The following ALPK2 variants were observed in gnomAD, a reference collection of about 807,000 sequenced individuals.
ALPK2 encodes alpha-protein kinase 2.
A neutral mutation model predicts 163.1 loss-of-function variants in ALPK2; 127 were observed. That is an observed-to-expected ratio of 0.78 (90% CI 0.67 to 0.90). The LOEUF (loss-of-function observed/expected upper bound fraction) is 0.90. ALPK2 is among the 40% of genes least tolerant of loss of function. The probability of loss-of-function intolerance (pLI) is 0.00; values close to 1 mark genes in which losing one functional copy is unlikely to be tolerated. For missense variants in ALPK2, 2,360 were observed against 2,589.6 expected (o/e 0.91, Z 1.92); for synonymous variants, 953 against 959.1 (o/e 0.99, Z 0.12).
rs760690504 is a variant in ALPK2, at chr18:58,579,049, G to A, written c.1727C>T (p.Thr576Ile). The A allele has an allele frequency of 6.2e-7, 1 of 1,614,224 alleles. No homozygotes were observed. The highest frequency in any genetic ancestry group is 8.5e-7 in the Non-Finnish European group (1 of 1,180,048). Residue 576 changes from threonine (T) to isoleucine (I), a missense_variant, in exon 4 of 13, where the codon ACC (threonine) becomes ATC (isoleucine). Coordinates refer to ENST00000361673, the MANE Select transcript of ALPK2 (RefSeq NM_052947.4). ...SAKESAEPPL[T>I]QSDKRETSHT... is the part of the protein sequence containing the mutation. ...AGAAGTCTCTCTTTTATCACTCTGG[G>A]TTAGTGGGGGCTCAGCAGATTCTTT...
intron 12 of ALPK2, among the ~76,000 whole-genome samples, chr18:58,487,177 T>TTACAGA (rs59318368): frequency 0.32 from 48,119 of 152,036 alleles, 8,663 homozygotes; most frequent in East Asian, 0.79. Context: ...ACAGATGGAA[T>TTACAGA]TTCTTAAATA....
intron 10 of ALPK2, among the ~76,000 whole-genome samples, chr18:58,506,159 C>CA (rs2051460835): frequency 6.6e-6 from 1 of 152,102 alleles, no homozygotes. Flanking sequence ...AAATTTAACT[C>CA]TGCATTGGGC....
rs190567317 is a variant in ALPK2 at position 58,590,992 on chromosome 18, T to C, written c.228-10444A>G. Among the ~76,000 whole-genome samples the C allele has an allele frequency of 2.2e-3, 330 of 152,212 alleles. 5 individuals are homozygous for C. In the East Asian group the frequency reaches 0.026, roughly 12 times the overall value. On this transcript the variant is annotated intron_variant, in intron 3 of 12. Transcript: ENST00000361673. Reference sequence around the variant, plus strand: ...TGTTTGACCAAAGAGAGACAGTAGATTGGGGGCTGGGAAGGGAAGAAGGAA... The same window carrying C: ...TGTTTGACCAAAGAGAGACAGTAGACTGGGGGCTGGGAAGGGAAGAAGGAA...
At chr18:58,550,592 CCATCCCCATCTATATCACA>C (rs1315805231) in intron 4 of ALPK2, among the ~76,000 whole-genome samples, 563 of 126,120 alleles carry the variant, frequency 4.5e-3, no homozygotes, top group Middle Eastern at 7.4e-3. Flanking sequence ...CAGATACAAC[CCATCCCCATCTATATCACA>C]TACAACCACA....
intron 3 of ALPK2, among the ~76,000 whole-genome samples, chr18:58,589,634 T>C (rs2052005185): frequency 6.6e-6 from 1 of 152,226 alleles, no homozygotes; most frequent in Non-Finnish European, 1.5e-5. Flanking sequence ...TCAATCATCA[T>C]CATCTTCTTC....
chr18:58,617,236 G>C (rs1369076265), intron 1 of ALPK2, among the ~76,000 whole-genome samples: 1 of 152,090 alleles, frequency 6.6e-6, no homozygotes. Context: ...GCCCAGGCTA[G>C]AGTGCAATGG....
intron 4 of ALPK2, among the ~76,000 whole-genome samples, chr18:58,561,503 G>A (rs1281795991): frequency 6.6e-6 from 1 of 152,180 alleles, no homozygotes; most frequent in Non-Finnish European, 1.5e-5. Flanking sequence ...AGACAAGAAA[G>A]TGGATGCAGT....
At chr18:58,534,071 G>A (rs2051630141) in intron 5 of ALPK2, among the ~76,000 whole-genome samples, 2 of 152,048 alleles carry the variant, frequency 1.3e-5, no homozygotes, top group Non-Finnish European at 2.9e-5. Context: ...AAATAAAACA[G>A]GCTAAAATTT....
chr18:58,532,136 A>G (rs1296377463), intron 5 of ALPK2, among the ~76,000 whole-genome samples: 3 of 152,116 alleles, frequency 2.0e-5, no homozygotes, highest in African/African-American at 7.2e-5. Flanking sequence ...CAAAGTCACC[A>G]TGGAAAATAA....
chr18:58,582,162 A>G (rs1220112212), intron 3 of ALPK2, among the ~76,000 whole-genome samples: 1 of 152,190 alleles, frequency 6.6e-6, no homozygotes, highest in African/African-American at 2.4e-5. Flanking sequence ...GCACACATAG[A>G]ATAAAATTTA....
At chr18:58,628,104 A>G (rs1341394481) in intron 1 of ALPK2, among the ~76,000 whole-genome samples, 1 of 152,206 alleles carries the variant, frequency 6.6e-6, no homozygotes, top group Non-Finnish European at 1.5e-5. Flanking sequence ...GTAATGTGAC[A>G]GTGGTGGCAT....
chr18:58,496,440 GTC>G (rs1224522033), intron 12 of ALPK2, among the ~76,000 whole-genome samples: 21 of 152,198 alleles, frequency 1.4e-4, no homozygotes, highest in Non-Finnish European at 2.9e-4. Context: ...CAGGGAAAAG[GTC>G]CAAACCGCAT....
chr18:58,625,294 G>A (rs1374123101), intron 1 of ALPK2, among the ~76,000 whole-genome samples: 2 of 152,174 alleles, frequency 1.3e-5, no homozygotes, highest in African/African-American at 2.4e-5. Context: ...TGCCTGCAGG[G>A]CACCTGATGG....
chr18:58,612,777 T>G (rs2052139870), intron 1 of ALPK2, among the ~76,000 whole-genome samples: 3 of 152,238 alleles, frequency 2.0e-5, no homozygotes, highest in African/African-American at 7.2e-5. Context: ...TGGCTTCACT[T>G]GGCCAGACCT....
chr18:58,506,056 A>C (rs1448177612), intron 10 of ALPK2, among the ~76,000 whole-genome samples: 1 of 152,158 alleles, frequency 6.6e-6, no homozygotes, highest in African/African-American at 2.4e-5. Context: ...AATACCGTTC[A>C]GATGCCGATG....
At chr18:58,595,164 G>T (rs2052034830) in intron 3 of ALPK2, among the ~76,000 whole-genome samples, 1 of 152,126 alleles carries the variant, frequency 6.6e-6, no homozygotes, top group African/African-American at 2.4e-5. Flanking sequence ...TTTCACCCCT[G>T]TGCTCAGAGC....
At chr18:58,564,467 C>T (rs1164992934) in intron 4 of ALPK2, among the ~76,000 whole-genome samples, 1 of 151,608 alleles carries the variant, frequency 6.6e-6, no homozygotes, top group Non-Finnish European at 1.5e-5. Flanking sequence ...ACATCACTTT[C>T]TTTGTACATC....
At chr18:58,500,197 A>C (rs933181651) in intron 11 of ALPK2, among the ~76,000 whole-genome samples, 2 of 151,894 alleles carry the variant, frequency 1.3e-5, no homozygotes, top group Admixed American at 6.6e-5. Flanking sequence ...AAACATATGT[A>C]GAAATGCTTC....
chr18:58,570,702 A>G (rs750305683), intron 4 of ALPK2, among the ~76,000 whole-genome samples: 7 of 152,230 alleles, frequency 4.6e-5, no homozygotes, highest in Admixed American at 2.0e-4. Context: ...TGTTTAAATC[A>G]GTCAATCCTC....
Sources: gnomAD v4.1 joint callset for allele counts (sites outside exome capture counted in the v4.1 genomes callset) on GRCh38, gnomAD v4.1.1 for gene constraint, MANE v1.5 for transcripts, NCBI Gene and HGNC (gene_info 2026-07-23, HGNC 2026-07-21) for gene names.